AIDA: variants seen among roughly 807,000 people sequenced by gnomAD.
The protein encoded by AIDA is axin interactor, dorsalization associated, also known as axin interactor, dorsalization-associated protein.
Under a neutral mutation model 42.7 loss-of-function variants are expected in AIDA, and 18 were observed. The observed-to-expected ratio is 0.42, with a 90% CI of 0.29 to 0.63. The LOEUF is 0.63. AIDA is among the 20% of genes least tolerant of loss of function. The probability of loss-of-function intolerance (pLI) is 0.19; values close to 1 mark genes in which losing one functional copy is unlikely to be tolerated. For missense variants in AIDA, 250 were observed against 354.1 expected, an observed-to-expected ratio of 0.71 and a Z score of 2.36; for synonymous variants, 104 against 122.9, an observed-to-expected ratio of 0.85 and a Z score of 1.02.
chr1:222,682,934 A>G (rs1341317285), intron 6 of AIDA, among the ~76,000 whole-genome samples: 1 of 152,222 alleles, frequency 6.6e-6, no homozygotes. Flanking sequence ...TCATAGTGAT[A>G]CCATTTATTT....
intron 1 of AIDA, among the ~76,000 whole-genome samples, chr1:222,709,669 G>A (rs73124889): frequency 0.037 from 5,665 of 152,040 alleles, 141 homozygotes; most frequent in East Asian, 0.13. Context: ...ATAATGGGGG[G>A]AAAAGTGCCC....
chr1:222,707,021 G>A (rs540989019), intron 1 of AIDA, among the ~76,000 whole-genome samples: 117 of 152,126 alleles, frequency 7.7e-4, no homozygotes, highest in Non-Finnish European at 1.3e-3. Context: ...GTCTTGTGGG[G>A]GTGATGGAAA....
At chr1:222,712,090 C>A (rs1245493463) in intron 1 of AIDA, 118 bp downstream of exon 1, 1 of 1,472,992 alleles carries the variant, frequency 6.8e-7, no homozygotes, top group Non-Finnish European at 9.2e-7. Context: ...CCAGTGCCTG[C>A]GGAGCCCCAC....
intron 8 of AIDA, among the ~76,000 whole-genome samples, chr1:222,671,869 C>T (rs185899229): frequency 2.7e-4 from 41 of 152,242 alleles, no homozygotes; most frequent in Admixed American, 9.2e-4. Context: ...TCCTCATGAT[C>T]GTGTCTTGAG....
intron 1 of AIDA, among the ~76,000 whole-genome samples, chr1:222,707,469 C>T (rs953224770): frequency 6.6e-6 from 1 of 152,128 alleles, no homozygotes; most frequent in African/African-American, 2.4e-5. Flanking sequence ...ATAAAAAGAA[C>T]TTTTTAAGCC....
chr1:222,707,928 T>A (rs1655887233), intron 1 of AIDA, among the ~76,000 whole-genome samples: 1 of 152,244 alleles, frequency 6.6e-6, no homozygotes, highest in South Asian at 2.1e-4. Context: ...TTTCTTTCCT[T>A]ATCTTACTGC....
At chr1:222,697,085 G>C (rs565282184) in intron 2 of AIDA, among the ~76,000 whole-genome samples, 17 of 152,068 alleles carry the variant, frequency 1.1e-4, no homozygotes, top group African/African-American at 3.6e-4. Context: ...TGGGATTACA[G>C]GCATCCACCA....
chr1:222,680,065 C>A (rs1010081390), intron 6 of AIDA, among the ~76,000 whole-genome samples: 6 of 152,188 alleles, frequency 3.9e-5, no homozygotes, highest in African/African-American at 1.4e-4. Context: ...GCACTAAAGA[C>A]AATAAAATAC....
chr1:222,707,182 A>G (rs781533343), intron 1 of AIDA, among the ~76,000 whole-genome samples: 4 of 150,692 alleles, frequency 2.7e-5, no homozygotes, highest in East Asian at 1.9e-4. Context: ...AGACAGGAGG[A>G]AAAAAAAACA....
intron 2 of AIDA, among the ~76,000 whole-genome samples, chr1:222,700,754 C>CAAA (rs35219178): frequency 1.1e-5 from 1 of 94,290 alleles, no homozygotes; most frequent in East Asian, 3.2e-4. Flanking sequence ...GACTCCGTCT[C>CAAA]AAAAAAAAAA....
chr1:222,669,986 G>A lies in AIDA; in HGVS notation c.828C>T (p.Tyr276=), dbSNP rs776501745. 4.3e-6 allele frequency: 7 copies of A among 1,614,058 alleles called. No individual in the cohort carries two copies. The highest frequency in any genetic ancestry group is 5.1e-6 in the Non-Finnish European group (6 of 1,179,972). ...TTCTTTTAAAGTCAGTGGGTTTCTT[G>A]TATCTGTAATCACAACAGAAAGACC... The part of the protein sequence containing the change: ...IKPGPIVIEL[Y]KKPTDFKRKK... The change falls in exon 10 of 10, where the codon TAC becomes TAT. Residue 276 remains tyrosine, a synonymous_variant. Coordinates refer to ENST00000340020, the MANE Select transcript of AIDA (RefSeq NM_022831.4).
chr1:222,684,544 C>T (rs1257122313), intron 6 of AIDA, among the ~76,000 whole-genome samples: 1 of 152,116 alleles, frequency 6.6e-6, no homozygotes, highest in Non-Finnish European at 1.5e-5. Flanking sequence ...ATGACATTTT[C>T]AATGAATATA....
chr1:222,707,239 C>T (rs1050372086), intron 1 of AIDA, among the ~76,000 whole-genome samples: 3 of 151,968 alleles, frequency 2.0e-5, no homozygotes, highest in Non-Finnish European at 4.4e-5. Context: ...CTCACTGCAA[C>T]CTCTGTCTCC....
chr1:222,686,820 T>G, intron 6 of AIDA, 110 bp downstream of exon 6: 58 of 1,331,162 alleles, frequency 4.4e-5, no homozygotes, highest in Non-Finnish European at 5.1e-5. Flanking sequence ...AAGATTGGCA[T>G]GAGCTTTAGA....
intron 6 of AIDA, 72 bp from the exon 7 acceptor site, chr1:222,676,290 A>G: frequency 1.4e-6 from 2 of 1,475,356 alleles, no homozygotes; most frequent in Non-Finnish European, 1.8e-6. Context: ...CACAGAGAAG[A>G]TACAGCCTTG....
rs201779576 is a variant in AIDA, at chr1:222,694,272, G to T, written c.181-9C>A. ...ATTTTGCCTATGGTTTTCTGCAGGGGAATAAAAAAAGCTATAAATACCAGA... is the reference window on the plus strand; with the variant it reads ...ATTTTGCCTATGGTTTTCTGCAGGGTAATAAAAAAAGCTATAAATACCAGA... On this transcript the variant is annotated splice_polypyrimidine_tract_variant and intron_variant, in intron 2 of 9. Coordinates refer to ENST00000340020, the MANE Select transcript of AIDA (RefSeq NM_022831.4). 51 of 1,606,796 alleles carry T rather than the reference G, an allele frequency of 3.2e-5. No individual in the cohort carries two copies. Among genetic ancestry groups the T allele is most frequent in the Middle Eastern group, 3.3e-4 (2 of 6,032 alleles).
intron 4 of AIDA, among the ~76,000 whole-genome samples, chr1:222,692,836 T>C (rs539211555): frequency 1.3e-5 from 2 of 152,212 alleles, no homozygotes; most frequent in Non-Finnish European, 2.9e-5. Flanking sequence ...AGAAGTAGTA[T>C]GTGACTGAGG....
intron 6 of AIDA, among the ~76,000 whole-genome samples, 170 bp from the exon 7 acceptor site, chr1:222,676,388 A>T (rs1223851399): frequency 2.0e-5 from 3 of 152,176 alleles, no homozygotes; most frequent in African/African-American, 4.8e-5. Flanking sequence ...ATGTTTAATT[A>T]TATGTAAGAG....
intron 6 of AIDA, among the ~76,000 whole-genome samples, chr1:222,683,437 A>C (rs1664687946): frequency 6.6e-6 from 1 of 152,242 alleles, no homozygotes; most frequent in African/African-American, 2.4e-5. Flanking sequence ...ATAGTTATGC[A>C]GCAGAAAACA....
Sources: gnomAD v4.1 joint callset for allele counts (sites outside exome capture counted in the v4.1 genomes callset) on GRCh38, gnomAD v4.1.1 for gene constraint, MANE v1.5 for transcripts, NCBI Gene and HGNC (gene_info 2026-07-23, HGNC 2026-07-21) for gene names.